The following KIAA1549L variants were observed in gnomAD, a reference collection of about 807,000 sequenced individuals.
The protein encoded by KIAA1549L is UPF0606 protein KIAA1549L.
Under a neutral mutation model 160.7 loss-of-function variants are expected in KIAA1549L, and 88 were observed. The ratio of observed to expected loss-of-function variants is 0.55; its 90% CI spans 0.46 to 0.65. The LOEUF is 0.65. Among genes scored for constraint, KIAA1549L ranks in the 30% least tolerant of loss-of-function variants. The pLI is 0.00. For synonymous variants in KIAA1549L, 950 were observed against 976.7 expected (o/e 0.97, Z 0.51); for missense variants, 2,258 against 2,437.5 (o/e 0.93, Z 1.55).
At chr11:33,429,449 G>T (rs1328998024) in intron 1 of KIAA1549L, among the ~76,000 whole-genome samples, 1 of 152,116 alleles carries the variant, frequency 6.6e-6, no homozygotes, top group Non-Finnish European at 1.5e-5. Flanking sequence ...TACTATTCCA[G>T]GGTTGCTCTT....
chr11:33,556,459 TG>T (rs1367775358), intron 6 of KIAA1549L, among the ~76,000 whole-genome samples: 5 of 152,280 alleles, frequency 3.3e-5, no homozygotes, highest in African/African-American at 9.6e-5. Flanking sequence ...ATACATACAA[TG>T]GAATATTATT....
At position 33,673,019 on chromosome 11, in the gene KIAA1549L, C is replaced by T. The variant is rs1462912857; in HGVS notation, c.*4865C>T. On this transcript the variant is annotated 3_prime_UTR_variant, in exon 21 of 21. Coordinates refer to ENST00000658780, the MANE Select transcript of KIAA1549L (RefSeq NM_012194.3). ...CCTTCTGAATATAATAACTTAGTGT[C>T]CTGAGAATTGAAAGGCCTCTTGATT... The T allele has an allele frequency of 3.3e-5, 5 of 152,274 alleles. No individual in the cohort carries two copies. Among genetic ancestry groups the T allele is most frequent in the Non-Finnish European group, 7.3e-5 (5 of 68,036 alleles). The allele number at this position is 152,274 out of a possible 1,614,324, so 9.4% of individuals were successfully genotyped here.
rs147369776 is a variant in KIAA1549L at position 33,434,080 on chromosome 11, C to T, written c.238+57191C>T. On this transcript the variant is annotated intron_variant, in intron 1 of 20. Coordinates refer to ENST00000658780, the MANE Select transcript of KIAA1549L (RefSeq NM_012194.3). Reference sequence around the variant, plus strand: ...TTTTTAGAAGAAATAAAGCCCCCCCCGCCACCAAAAAAAAAAGAATATGGT... The same window carrying T: ...TTTTTAGAAGAAATAAAGCCCCCCCTGCCACCAAAAAAAAAAGAATATGGT... Among the ~76,000 whole-genome samples, 376 of 146,342 alleles carry T rather than the reference C, an allele frequency of 2.6e-3. 1 individual carries two copies. The highest frequency in any genetic ancestry group is 7.5e-3 in the African/African-American group (293 of 39,104).
intron 16 of KIAA1549L, among the ~76,000 whole-genome samples, chr11:33,642,602 G>A (rs547912751): frequency 2.0e-5 from 3 of 151,304 alleles, no homozygotes; most frequent in South Asian, 2.1e-4. Context: ...GGTTTGGGGG[G>A]GTGGAAATGG....
At chr11:33,642,358 C>G (rs1190576954) in intron 16 of KIAA1549L, among the ~76,000 whole-genome samples, 1 of 152,136 alleles carries the variant, frequency 6.6e-6, no homozygotes, top group East Asian at 1.9e-4. Flanking sequence ...AGAAATAGCA[C>G]TTGAATGTAA....
chr11:33,440,120 C>CTTTTTTCTTTTTTTTTTTTTT (rs1851465662), intron 1 of KIAA1549L, among the ~76,000 whole-genome samples: 1 of 83,426 alleles, frequency 1.2e-5, no homozygotes, highest in Non-Finnish European at 2.5e-5. Flanking sequence ...TATTTTGTTT[C>CTTTTTTCTTTTTTTTTTTTTT]TTTTTTTTTT....
At chr11:33,586,272 A>G (rs1431146254) in intron 11 of KIAA1549L, among the ~76,000 whole-genome samples, 1 of 152,222 alleles carries the variant, frequency 6.6e-6, no homozygotes, top group Non-Finnish European at 1.5e-5. Flanking sequence ...CTTGAGACTC[A>G]GTAATAAACT....
At chr11:33,445,729 G>A (rs1001316294) in intron 1 of KIAA1549L, among the ~76,000 whole-genome samples, 1 of 152,172 alleles carries the variant, frequency 6.6e-6, no homozygotes, top group Admixed American at 6.5e-5. Flanking sequence ...GTCAGCGTGG[G>A]GACAGTAGTG....
At chr11:33,393,950 C>T (rs1340479101) in intron 1 of KIAA1549L, among the ~76,000 whole-genome samples, 2 of 152,162 alleles carry the variant, frequency 1.3e-5, no homozygotes, top group Admixed American at 1.3e-4. Context: ...TTGTGTTATT[C>T]CTGCTCTTTA....
At chr11:33,463,647 T>G (rs969620655) in intron 1 of KIAA1549L, among the ~76,000 whole-genome samples, 1 of 152,228 alleles carries the variant, frequency 6.6e-6, no homozygotes, top group Non-Finnish European at 1.5e-5. Context: ...ACAGATAATC[T>G]AAACCTCTTT....
At chr11:33,528,820 C>T (rs1296522515) in intron 1 of KIAA1549L, among the ~76,000 whole-genome samples, 3 of 152,074 alleles carry the variant, frequency 2.0e-5, no homozygotes, top group Non-Finnish European at 1.5e-5. Flanking sequence ...TCTGGGGACT[C>T]CGGGGGAAAG....
chr11:33,552,688 A>G (rs1013221843), intron 6 of KIAA1549L, among the ~76,000 whole-genome samples: 61 of 148,238 alleles, frequency 4.1e-4, no homozygotes, highest in South Asian at 1.5e-3. Flanking sequence ...ACACACACAC[A>G]CACACACACA....
intron 2 of KIAA1549L, among the ~76,000 whole-genome samples, 200 bp from the exon 3 acceptor site, chr11:33,544,567 G>T (rs1326380488): frequency 6.6e-6 from 1 of 152,166 alleles, no homozygotes; most frequent in Non-Finnish European, 1.5e-5. Context: ...ATCAACCATA[G>T]CTGTGCTGTA....
intron 1 of KIAA1549L, among the ~76,000 whole-genome samples, chr11:33,435,778 A>ATGTGTGTGTGTGTG (rs1293537942): frequency 2.3e-4 from 4 of 17,616 alleles, no homozygotes; most frequent in South Asian, 2.6e-3. Context: ...ATATATATAT[A>ATGTGTGTGTGTGTG]TATATATATA....
At chr11:33,586,672 GC>G (rs554611651) in intron 11 of KIAA1549L, among the ~76,000 whole-genome samples, 50 of 152,060 alleles carry the variant, frequency 3.3e-4, no homozygotes, top group Non-Finnish European at 6.3e-4. Flanking sequence ...CTTGGGACAG[GC>G]CAGTCACCCC....
At chr11:33,461,280 C>T (rs866371380) in intron 1 of KIAA1549L, among the ~76,000 whole-genome samples, 44 of 152,076 alleles carry the variant, frequency 2.9e-4, no homozygotes, top group African/African-American at 8.7e-4. Context: ...GTGCATCTAC[C>T]ACGTACCAGG....
At chr11:33,623,241 A>T (rs1428000852) in intron 16 of KIAA1549L, among the ~76,000 whole-genome samples, 1 of 152,182 alleles carries the variant, frequency 6.6e-6, no homozygotes, top group Non-Finnish European at 1.5e-5. Context: ...GGGTACAACC[A>T]GCTTGTTGCT....
rs747383231 is a variant in KIAA1549L, at chr11:33,551,061, C to T, written c.3523C>T (p.His1175Tyr). ...SAHVDILEYS[H>Y]NVTVGYYATK... is the part of the protein sequence containing the mutation. ...GTAGGTGGACATTCTGGAATATTCT[C>T]ATAATGTCACAGTTGGTTATTATGC... Residue 1175 changes from histidine (H) to tyrosine (Y), a missense_variant, in exon 5 of 21, where the codon CAT (histidine) becomes TAT (tyrosine). Around this residue, in one of 6 missense-constraint regions of KIAA1549L, gnomAD observed 1,359 missense variants for 1,546.6 expected, o/e 0.88. Transcript: ENST00000658780. 2.5e-6 allele frequency: 4 copies of T among 1,613,896 alleles called. No homozygotes were observed. Among genetic ancestry groups the T allele is most frequent in the African/African-American group, 1.3e-5 (1 of 75,044 alleles).
chr11:33,671,012 GAAGA>G lies in KIAA1549L; in HGVS notation c.*2860_*2863del, dbSNP rs1377507757. 6.6e-6 allele frequency: 1 copy of G among 152,182 alleles called. No homozygotes were observed. The highest frequency in any genetic ancestry group is 1.5e-5 in the Non-Finnish European group (1 of 68,040). 9.4% of individuals were successfully genotyped at this position (152,182 alleles called of 1,614,324 possible). A position where few individuals can be genotyped will look rare whatever the true frequency, so the allele number is the denominator to read the frequency against. ...TTTAAAAAAAAGATAAGGGTCATAT[GAAGA>G]ACTCCATAATGTTCTTGCCAAGAAA... On this transcript the variant is annotated 3_prime_UTR_variant, in exon 21 of 21. Coordinates refer to ENST00000658780, the MANE Select transcript of KIAA1549L (RefSeq NM_012194.3).
Sources: gnomAD v4.1 joint callset for allele counts (sites outside exome capture counted in the v4.1 genomes callset) on GRCh38, gnomAD v4.1.1 for gene constraint, gnomAD v4.1.1 regional missense constraint, MANE v1.5 for transcripts, NCBI Gene and HGNC (gene_info 2026-07-23, HGNC 2026-07-21) for gene names.